CAP2: variants seen among roughly 807,000 people sequenced by gnomAD.
CAP2 encodes adenylyl cyclase-associated protein 2.
In CAP2, 24 loss-of-function variants were observed where a neutral mutation model predicts 57.7. The observed-to-expected ratio is 0.42, with a 90% CI of 0.30 to 0.58. The LOEUF is 0.58. Ranked by LOEUF, CAP2 falls within the 20% of genes least tolerant of loss-of-function variation. The pLI is 0.22. For missense variants in CAP2, 501 were observed against 590.3 expected, an observed-to-expected ratio of 0.85 and a Z score of 1.57; for synonymous variants, 194 against 207.2, an observed-to-expected ratio of 0.94 and a Z score of 0.55.
chr6:17,533,409 G>A (rs1762696774), intron 7 of CAP2, among the ~76,000 whole-genome samples: 1 of 151,922 alleles, frequency 6.6e-6, no homozygotes, highest in African/African-American at 2.4e-5. Flanking sequence ...AAGTCTTTGT[G>A]CCAATTTAAA....
At chr6:17,410,808 T>G (rs986538877) in intron 1 of CAP2, among the ~76,000 whole-genome samples, 31 of 152,062 alleles carry the variant, frequency 2.0e-4, no homozygotes, top group African/African-American at 7.2e-4. Flanking sequence ...ATCTGCCCGC[T>G]TCGGCCTCCC....
chr6:17,422,540 G>A (rs1456577589), intron 2 of CAP2, among the ~76,000 whole-genome samples: 2 of 151,688 alleles, frequency 1.3e-5, no homozygotes, highest in South Asian at 2.1e-4. Context: ...TAATAGAGAC[G>A]GGGTTTCACC....
chr6:17,550,842 A>G (rs1763154479), intron 11 of CAP2, among the ~76,000 whole-genome samples: 1 of 152,144 alleles, frequency 6.6e-6, no homozygotes, highest in South Asian at 2.1e-4. Flanking sequence ...CCAAGCCCCC[A>G]GTTTTGTCTC....
At chr6:17,483,013 A>G (rs924417948) in intron 4 of CAP2, among the ~76,000 whole-genome samples, 5 of 152,214 alleles carry the variant, frequency 3.3e-5, no homozygotes, top group Admixed American at 1.3e-4. Flanking sequence ...CTCTGTACCA[A>G]TAACTGCTTC....
At chr6:17,520,298 C>T (rs551983398) in intron 7 of CAP2, among the ~76,000 whole-genome samples, 24 of 152,066 alleles carry the variant, frequency 1.6e-4, no homozygotes, top group African/African-American at 4.1e-4. Context: ...TTTGTAGAGA[C>T]GTGATTTCAC....
chr6:17,459,387 TG>T (rs1466723886), intron 3 of CAP2, among the ~76,000 whole-genome samples: 2 of 152,182 alleles, frequency 1.3e-5, no homozygotes, highest in Admixed American at 6.5e-5. Flanking sequence ...GCAAAGAAGC[TG>T]ATCTCCAATA....
At chr6:17,487,356 A>G (rs188881057) in intron 4 of CAP2, among the ~76,000 whole-genome samples, 1 of 152,232 alleles carries the variant, frequency 6.6e-6, no homozygotes, top group Admixed American at 6.5e-5. Flanking sequence ...TAAACTTCCA[A>G]CTAGGCCACT....
intron 4 of CAP2, among the ~76,000 whole-genome samples, chr6:17,468,163 C>A (rs1446254672): frequency 1.3e-5 from 2 of 151,978 alleles, no homozygotes; most frequent in African/African-American, 4.8e-5. Context: ...AGGCCATAGA[C>A]CACAATGTGC....
rs917454884 is a variant in CAP2, at chr6:17,557,626, A to C, written c.*1184A>C. ...AATACATTGTTTCCATTTTTTAAAT[A>C]TCTTCTATATCCATATAGTATTCAA... On this transcript the variant is annotated 3_prime_UTR_variant, in exon 13 of 13. Transcript: ENST00000229922. 2 of 152,194 alleles carry C rather than the reference A, an allele frequency of 1.3e-5. No individual in the cohort carries two copies. The highest frequency in any genetic ancestry group is 4.8e-5 in the African/African-American group (2 of 41,448). 9.4% of individuals were successfully genotyped at this position (152,194 alleles called of 1,614,324 possible). A position where few individuals can be genotyped will look rare whatever the true frequency, so the allele number is the denominator to read the frequency against.
At chr6:17,434,420 G>A (rs1458133599) in intron 3 of CAP2, among the ~76,000 whole-genome samples, 1 of 151,826 alleles carries the variant, frequency 6.6e-6, no homozygotes, top group Non-Finnish European at 1.5e-5. Flanking sequence ...GTAGAGACGG[G>A]GTTTCACTCT....
At chr6:17,533,939 G>T (rs75634124) in intron 7 of CAP2, among the ~76,000 whole-genome samples, 23 of 152,108 alleles carry the variant, frequency 1.5e-4, no homozygotes, top group Non-Finnish European at 4.4e-5. Context: ...CCCAGTCTGA[G>T]GCGCTAAGAT....
At chr6:17,541,259 G>A (rs4716156) in intron 9 of CAP2, 111 bp downstream of exon 9, 328,872 of 747,248 alleles carry the variant, frequency 0.44, 75,632 homozygotes, top group East Asian at 0.56. Context: ...TTTTGTATTG[G>A]TACATAACAT....
intron 7 of CAP2, among the ~76,000 whole-genome samples, chr6:17,535,872 G>T (rs1320098668): frequency 6.6e-6 from 1 of 152,028 alleles, no homozygotes; most frequent in Admixed American, 6.6e-5. Flanking sequence ...AGATGCCTAT[G>T]TTGCTACCTC....
chr6:17,538,753 G>A (rs1762831089), intron 7 of CAP2, among the ~76,000 whole-genome samples: 1 of 152,166 alleles, frequency 6.6e-6, no homozygotes, highest in African/African-American at 2.4e-5. Context: ...GGCATATTTG[G>A]AAAATCAGGT....
chr6:17,454,406 A>G (rs371751556), intron 3 of CAP2, among the ~76,000 whole-genome samples: 2 of 152,236 alleles, frequency 1.3e-5, no homozygotes, highest in Admixed American at 1.3e-4. Flanking sequence ...TTATAAAAAC[A>G]TAAGTGTCCA....
At chr6:17,486,894 C>A (rs982392989) in intron 4 of CAP2, among the ~76,000 whole-genome samples, 4 of 117,788 alleles carry the variant, frequency 3.4e-5, no homozygotes, top group African/African-American at 1.0e-4. Flanking sequence ...GTCACGGTCA[C>A]CCCCGGCTTC....
chr6:17,477,317 G>A (rs139348736), intron 4 of CAP2, among the ~76,000 whole-genome samples: 23 of 152,296 alleles, frequency 1.5e-4, no homozygotes, highest in African/African-American at 4.8e-4. Flanking sequence ...CATGTCATCC[G>A]GCCACTTTCA....
intron 3 of CAP2, among the ~76,000 whole-genome samples, chr6:17,434,940 T>A (rs1326477264): frequency 6.9e-6 from 1 of 145,698 alleles, no homozygotes; most frequent in African/African-American, 2.6e-5. Flanking sequence ...ATGCTCATCA[T>A]CACTGGCCAT....
chr6:17,403,422 A>G (rs957823608), intron 1 of CAP2, among the ~76,000 whole-genome samples: 4 of 152,240 alleles, frequency 2.6e-5, no homozygotes, highest in Non-Finnish European at 5.9e-5. Context: ...CATTTTAATA[A>G]GTATACACAT....
Sources: allele counts gnomAD v4.1 joint callset (sites outside exome capture counted in the v4.1 genomes callset), GRCh38; gene constraint gnomAD v4.1.1; transcripts MANE v1.5; gene names NCBI Gene and HGNC (gene_info 2026-07-23, HGNC 2026-07-21).